The following RPL39L variants were observed in gnomAD, a reference collection of about 807,000 sequenced individuals.
RPL39L encodes ribosomal protein L39 like.
For synonymous variants in RPL39L, 16 were observed against 20.1 expected (o/e 0.80, Z 0.55); for missense variants, 48 against 58.9 (o/e 0.81, Z 0.61).
intron 2 of RPL39L, among the ~76,000 whole-genome samples, chr3:187,127,292 T>TA (rs11384947): frequency 0.19 from 29,194 of 152,026 alleles, 3,258 homozygotes; most frequent in Non-Finnish European, 0.21. Context: ...ATACATCCCA[T>TA]AAAAAATATA....
chr3:187,132,161 A>G (rs950356763), intron 1 of RPL39L, among the ~76,000 whole-genome samples: 2 of 152,242 alleles, frequency 1.3e-5, no homozygotes, highest in African/African-American at 4.8e-5. Flanking sequence ...TACCAGAGGT[A>G]TTGCCCATGG....
chr3:187,130,432 G>A (rs767735311), intron 1 of RPL39L, among the ~76,000 whole-genome samples: 32 of 152,170 alleles, frequency 2.1e-4, no homozygotes, highest in Non-Finnish European at 4.6e-4. Context: ...TGGATCCTTT[G>A]TGGCTTGGTG....
chr3:187,136,430 T>G (rs771089307), intron 1 of RPL39L, among the ~76,000 whole-genome samples: 10 of 152,226 alleles, frequency 6.6e-5, no homozygotes, highest in Admixed American at 6.5e-4. Flanking sequence ...GCAGTAGAGA[T>G]AGGTCTGCCA....
chr3:187,122,008 A>G (rs1198427334), intron 2 of RPL39L, among the ~76,000 whole-genome samples: 4 of 152,236 alleles, frequency 2.6e-5, no homozygotes, highest in African/African-American at 9.6e-5. Context: ...AAAACAAGTA[A>G]TTCATCCCCA....
At chr3:187,122,979 T>C (rs1720337798) in intron 2 of RPL39L, among the ~76,000 whole-genome samples, 1 of 152,222 alleles carries the variant, frequency 6.6e-6, no homozygotes, top group African/African-American at 2.4e-5. Context: ...AAATACCTAT[T>C]AGTCTAGGTA....
intron 1 of RPL39L, among the ~76,000 whole-genome samples, chr3:187,131,490 C>A (rs2108469487): frequency 6.6e-6 from 1 of 152,294 alleles, no homozygotes; most frequent in South Asian, 2.1e-4. Flanking sequence ...TGAGCCAAAT[C>A]ACGCCACTGC....
rs1283348554 is a variant in RPL39L, at chr3:187,121,352, A to G, written c.-28-24T>C. On this transcript the variant is annotated intron_variant, in intron 2 of 2. Coordinates refer to ENST00000296277, the MANE Select transcript of RPL39L (RefSeq NM_052969.3). Reference sequence around the variant, plus strand: ...CACTATGGCGGAGAAAGGGAGAGAGAGACAGAGACAATATTACCATAGGAT... The same window carrying G: ...CACTATGGCGGAGAAAGGGAGAGAGGGACAGAGACAATATTACCATAGGAT... 1.9e-6 allele frequency: 3 copies of G among 1,590,656 alleles called. No individual in the cohort carries two copies. The South Asian group carries it at 3.3e-5, about 18-fold the overall frequency.
intron 2 of RPL39L, among the ~76,000 whole-genome samples, chr3:187,122,388 A>ATTT (rs3835037): frequency 9.9e-5 from 15 of 151,364 alleles, no homozygotes; most frequent in East Asian, 1.9e-4. Context: ...TGACAAAGGC[A>ATTT]TTTTTTTTTA....
Position 187,121,104 on chromosome 3 carries a change from T to C in RPL39L, c.*41A>G, listed in dbSNP as rs780678887. 3.2e-5 allele frequency: 51 copies of C among 1,607,086 alleles called. No homozygotes were observed. The highest frequency in any genetic ancestry group is 4.0e-5 in the Non-Finnish European group (47 of 1,175,612). On this transcript the variant is annotated 3_prime_UTR_variant, in exon 3 of 3. Transcript: ENST00000296277. ...TGATATCGTAAGATGATCGTGAACT[T>C]GATACAGCATAAATATGTGTGCCAT...
intron 2 of RPL39L, among the ~76,000 whole-genome samples, chr3:187,127,366 C>T (rs544310533): frequency 4.4e-4 from 67 of 152,312 alleles, no homozygotes; most frequent in Non-Finnish European, 8.2e-4. Context: ...CCAGATGATA[C>T]TGATGCCACA....
chr3:187,138,143 TTAACTA>T (rs941455019), intron 1 of RPL39L, among the ~76,000 whole-genome samples: 24 of 152,240 alleles, frequency 1.6e-4, no homozygotes, highest in African/African-American at 5.8e-4. Context: ...AGAAACTCTT[TTAACTA>T]TATTTTTATA....
intron 2 of RPL39L, among the ~76,000 whole-genome samples, chr3:187,122,041 T>C (rs1256604735): frequency 2.0e-5 from 3 of 152,232 alleles, no homozygotes; most frequent in African/African-American, 7.2e-5. Flanking sequence ...TATGAATGTA[T>C]ACATTTAAAA....
intron 1 of RPL39L, among the ~76,000 whole-genome samples, 194 bp downstream of exon 1, chr3:187,139,019 C>CT (rs1720637499): frequency 6.6e-6 from 1 of 152,192 alleles, no homozygotes; most frequent in Non-Finnish European, 1.5e-5. Flanking sequence ...GATCACACCA[C>CT]TGCACTCCAG....
Position 187,123,435 on chromosome 3 carries a change from T to C in RPL39L, c.-28-2107A>G, listed in dbSNP as rs574902315. Among the ~76,000 whole-genome samples, 27 of 152,346 alleles carry C rather than the reference T, an allele frequency of 1.8e-4. 1 individual carries two copies. The South Asian group carries it at 3.5e-3, about 20-fold the overall frequency. On this transcript the variant is annotated intron_variant, in intron 2 of 2. Coordinates refer to ENST00000296277, the MANE Select transcript of RPL39L (RefSeq NM_052969.3). Reference sequence around the variant, plus strand: ...GCCCAATCCTTTTATTTTCTTCCCATACATTAGCAGCAAAGAACTTTTAGC... The same window carrying C: ...GCCCAATCCTTTTATTTTCTTCCCACACATTAGCAGCAAAGAACTTTTAGC...
chr3:187,121,912 A>G (rs1720316852), intron 2 of RPL39L, among the ~76,000 whole-genome samples: 1 of 152,234 alleles, frequency 6.6e-6, no homozygotes, highest in Non-Finnish European at 1.5e-5. Context: ...ATAACCCTTT[A>G]CATTTGGAGG....
At chr3:187,121,359 G>A in intron 2 of RPL39L, 31 bp from the exon 3 acceptor site, 1 of 1,574,624 alleles carries the variant, frequency 6.4e-7, no homozygotes, top group East Asian at 2.2e-5. Context: ...GAGAGACAGA[G>A]ACAATATTAC....
intron 1 of RPL39L, among the ~76,000 whole-genome samples, chr3:187,134,046 A>G (rs1349685445): frequency 1.3e-5 from 2 of 152,122 alleles, no homozygotes; most frequent in Non-Finnish European, 2.9e-5. Flanking sequence ...AATCAACAGA[A>G]CCACACTCTC....
chr3:187,124,557 A>G (rs1001559448), intron 2 of RPL39L, among the ~76,000 whole-genome samples: 1 of 152,276 alleles, frequency 6.6e-6, no homozygotes, highest in Admixed American at 6.5e-5. Flanking sequence ...TTGCTGTCCT[A>G]AGCATAATCT....
intron 1 of RPL39L, among the ~76,000 whole-genome samples, chr3:187,132,813 A>G (rs1162004850): frequency 6.6e-6 from 1 of 152,214 alleles, no homozygotes; most frequent in African/African-American, 2.4e-5. Context: ...TATGAGAACT[A>G]AAAGTCCCAT....
Sources: allele counts gnomAD v4.1 joint callset (sites outside exome capture counted in the v4.1 genomes callset), GRCh38; gene constraint gnomAD v4.1.1; transcripts MANE v1.5; gene names NCBI Gene and HGNC (gene_info 2026-07-23, HGNC 2026-07-21).